Variants in YWHAB observed in about 807,000 individuals in gnomAD.
YWHAB encodes tyrosine 3-monooxygenase/tryptophan 5-monooxygenase activation protein beta.
Under a neutral mutation model 28.5 loss-of-function variants are expected in YWHAB, and 2 were observed. That is an observed-to-expected ratio of 0.07 (90% confidence interval 0.03 to 0.22). The LOEUF is 0.22. YWHAB is among the 10% of genes least tolerant of loss of function. The pLI, the probability that YWHAB is intolerant of heterozygous loss-of-function variation, is 1.00. For synonymous variants in YWHAB, 103 were observed against 104.7 expected, an observed-to-expected ratio of 0.98 and a Z score of 0.10; for missense variants, 148 against 297.1, an observed-to-expected ratio of 0.50 and a Z score of 3.69.
At chr20:44,886,865 T>G (rs991013970) in intron 1 of YWHAB, 3 of 152,238 alleles carry the variant, frequency 2.0e-5, no homozygotes, top group Non-Finnish European at 4.4e-5. Flanking sequence ...TGCATTTCTC[T>G]TTGGTAAGGC....
intron 1 of YWHAB, among the ~76,000 whole-genome samples, chr20:44,893,069 A>T (rs996204755): frequency 2.0e-5 from 3 of 147,742 alleles, no homozygotes; most frequent in African/African-American, 2.5e-5. Context: ...GCCTTTATTT[A>T]AAAAAAAATG....
chr20:44,903,303 T>G (rs909951398), intron 2 of YWHAB: 1 of 158,694 alleles, frequency 6.3e-6, no homozygotes, highest in African/African-American at 2.4e-5. Flanking sequence ...AAAGTGAGGC[T>G]CAAAGTGATT....
chr20:44,906,390 A>G lies in YWHAB; in HGVS notation c.693A>G (p.Thr231=), dbSNP rs150355984. Residue 231 remains threonine (T), a synonymous_variant, in exon 6 of 6, where the codon ACA becomes ACG. Coordinates refer to ENST00000353703, the MANE Select transcript of YWHAB (RefSeq NM_139323.4). ...QLLRDNLTLW[T]SENQGDEGDA... is the part of the protein sequence containing the mutation. ...CTTCCTTTCTCTTGCAGCTGTGGAC[A>G]TCGGAAAACCAGGGAGACGAAGGAG... The G allele has an allele frequency of 3.4e-5, 55 of 1,612,654 alleles. No homozygotes were observed. The highest frequency in any genetic ancestry group is 2.6e-4 in the South Asian group (24 of 91,030).
intron 1 of YWHAB, among the ~76,000 whole-genome samples, chr20:44,890,815 C>T (rs2066557174): frequency 6.6e-6 from 1 of 151,672 alleles, no homozygotes; most frequent in Admixed American, 6.6e-5. Context: ...GGCTGGATTC[C>T]TACTTTAAGC....
chr20:44,902,642 A>G (rs1172731882), intron 2 of YWHAB: 6 of 152,190 alleles, frequency 3.9e-5, no homozygotes, highest in African/African-American at 2.4e-5. Context: ...AAACCAGTAT[A>G]AAGCTTGTCA....
At chr20:44,894,449 A>G (rs1208735734) in intron 1 of YWHAB, among the ~76,000 whole-genome samples, 2 of 152,208 alleles carry the variant, frequency 1.3e-5, no homozygotes, top group Admixed American at 6.5e-5. Flanking sequence ...CCATCATGGC[A>G]TATCACTAGA....
chr20:44,886,519 C>T (rs1438330279), intron 1 of YWHAB: 1 of 152,120 alleles, frequency 6.6e-6, no homozygotes, highest in Admixed American at 6.5e-5. Context: ...TTGTTGGAGC[C>T]GGTTACTGAG....
Position 44,906,011 on chromosome 20 carries a change from A to T in YWHAB, c.599A>T (p.Glu200Val), listed in dbSNP as rs2066653814. The part of the protein sequence containing the change: ...ACSLAKTAFD[E>V]AIAELDTLNE... ...GGCTCTTTGTTTTAGGCATTTGATG[A>T]AGCAATTGCTGAATTGGATACGCTG... The change falls in exon 5 of 6, where the codon GAA becomes GTA. Residue 200 changes from glutamate to valine, a missense_variant. By Grantham distance (121) the Glu-to-Val change is moderately radical (BLOSUM62 -2). Coordinates refer to ENST00000353703, the MANE Select transcript of YWHAB (RefSeq NM_139323.4). The T allele has an allele frequency of 6.2e-7, 1 of 1,612,618 alleles. No homozygotes were observed.
intron 1 of YWHAB, among the ~76,000 whole-genome samples, chr20:44,893,456 A>G (rs189432829): frequency 1.3e-5 from 2 of 152,294 alleles, no homozygotes; most frequent in African/African-American, 4.8e-5. Flanking sequence ...ATTTAAAAAG[A>G]TAGGAAAATG....
chr20:44,904,409 T>C (rs546605575), intron 3 of YWHAB, among the ~76,000 whole-genome samples: 1 of 152,126 alleles, frequency 6.6e-6, no homozygotes, highest in East Asian at 1.9e-4. Flanking sequence ...TACTTGGTGG[T>C]ACGAAACTAC....
At chr20:44,892,538 A>G (rs1331893632) in intron 1 of YWHAB, among the ~76,000 whole-genome samples, 1 of 152,132 alleles carries the variant, frequency 6.6e-6, no homozygotes, top group Non-Finnish European at 1.5e-5. Context: ...ATTCCTCTCA[A>G]TGAATAATCC....
At chr20:44,886,946 CAT>C (rs2066531815) in intron 1 of YWHAB, 2 of 152,296 alleles carry the variant, frequency 1.3e-5, no homozygotes, top group South Asian at 4.1e-4. Context: ...ATGCTATGAA[CAT>C]AAAATCAGCC....
chr20:44,897,429 G>A (rs559203067), intron 1 of YWHAB, among the ~76,000 whole-genome samples: 7 of 152,142 alleles, frequency 4.6e-5, no homozygotes, highest in Non-Finnish European at 8.8e-5. Flanking sequence ...TCTACAGACT[G>A]GAAATTTTCT....
chr20:44,891,933 A>T (rs1161444505), intron 1 of YWHAB, among the ~76,000 whole-genome samples: 6 of 152,208 alleles, frequency 3.9e-5, no homozygotes, highest in Admixed American at 3.9e-4. Flanking sequence ...TGGCACACAG[A>T]CAGTTTTATA....
At position 44,904,136 on chromosome 20, in the gene YWHAB, A is replaced by G. The variant is rs755901255; in HGVS notation, c.424+20A>G. 6.2e-7 allele frequency: 1 copy of G among 1,611,436 alleles called. No individual in the cohort carries two copies. The highest frequency in any genetic ancestry group is 1.1e-5 in the South Asian group (1 of 90,492). ...AACAAAGTAAGTAATATCTTTAAAAAGAAATTCGACCAGTAATGGAGCCAG... is the reference window on the plus strand; with the variant it reads ...AACAAAGTAAGTAATATCTTTAAAAGGAAATTCGACCAGTAATGGAGCCAG... On this transcript the variant is annotated intron_variant, in intron 3 of 5. Coordinates refer to ENST00000353703, the MANE Select transcript of YWHAB (RefSeq NM_139323.4).
rs570756801 is a variant in YWHAB at position 44,905,720 on chromosome 20, C to T, written c.589-281C>T. 2.8e-3 allele frequency: 766 copies of T among 277,370 alleles called. 3 individuals carry two copies. Among genetic ancestry groups the T allele is most frequent in the Non-Finnish European group, 3.3e-3 (498 of 150,278 alleles). The allele number at this position is 277,370 out of a possible 1,614,324, so 17.2% of individuals were successfully genotyped here. A position where few individuals can be genotyped will look rare whatever the true frequency, so the allele number is the denominator to read the frequency against. On this transcript the variant is annotated intron_variant, in intron 4 of 5. Transcript: ENST00000353703. ...AGTCTTTGGTAATTAAAAAATCACACGCGTTTGCCCAGAATGACTGTGCTA... is the reference window on the plus strand; with the variant it reads ...AGTCTTTGGTAATTAAAAAATCACATGCGTTTGCCCAGAATGACTGTGCTA...
chr20:44,887,429 A>C (rs186114533), intron 1 of YWHAB: 83 of 152,260 alleles, frequency 5.5e-4, no homozygotes, highest in African/African-American at 2.0e-3. Flanking sequence ...TAGACTATAC[A>C]CCTAGTTTTT....
At chr20:44,890,476 C>G (rs1462134957) in intron 1 of YWHAB, among the ~76,000 whole-genome samples, 1 of 147,302 alleles carries the variant, frequency 6.8e-6, no homozygotes, top group Non-Finnish European at 1.5e-5. Context: ...ATTGGGTGTC[C>G]AAAGATACAA....
chr20:44,889,728 C>T (rs903560849), intron 1 of YWHAB, among the ~76,000 whole-genome samples: 1 of 151,912 alleles, frequency 6.6e-6, no homozygotes, highest in Non-Finnish European at 1.5e-5. Context: ...TTTTTAACTC[C>T]TTGATTTTGT....
Sources: gnomAD v4.1 joint callset for allele counts (sites outside exome capture counted in the v4.1 genomes callset) on GRCh38, gnomAD v4.1.1 for gene constraint, MANE v1.5 for transcripts, NCBI Gene and HGNC (gene_info 2026-07-23, HGNC 2026-07-21) for gene names.